The following DGKB variants were observed in gnomAD, a reference collection of about 807,000 sequenced individuals.
DGKB encodes diacylglycerol kinase beta.
Under a neutral mutation model 114.3 loss-of-function variants are expected in DGKB, and 67 were observed. That is an observed-to-expected ratio of 0.59 (90% CI 0.48 to 0.72). DGKB has a LOEUF of 0.72. DGKB is among the 30% of genes least tolerant of loss of function. The pLI is 0.00. For missense variants in DGKB, 907 were observed against 975.2 expected, an observed-to-expected ratio of 0.93 and a Z score of 0.93; for synonymous variants, 398 against 323.1, an observed-to-expected ratio of 1.23 and a Z score of -2.49.
chr7:14,954,555 G>A (rs547469299), intron 1 of DGKB, among the ~76,000 whole-genome samples: 2 of 151,916 alleles, frequency 1.3e-5, no homozygotes, highest in Non-Finnish European at 2.9e-5. Flanking sequence ...AAATTTGAAG[G>A]TTAGAAGATT....
chr7:14,366,184 G>C (rs774879555), intron 21 of DGKB, among the ~76,000 whole-genome samples: 1 of 152,070 alleles, frequency 6.6e-6, no homozygotes, highest in Non-Finnish European at 1.5e-5. Context: ...ATCAATACCA[G>C]AGTTTATCAT....
At chr7:14,425,420 C>T (rs1827353366) in intron 21 of DGKB, among the ~76,000 whole-genome samples, 1 of 152,004 alleles carries the variant, frequency 6.6e-6, no homozygotes, top group Admixed American at 6.6e-5. Flanking sequence ...CTGTACATAT[C>T]TAATTGAATT....
intron 5 of DGKB, among the ~76,000 whole-genome samples, chr7:14,731,291 T>C (rs907131377): frequency 6.6e-6 from 1 of 152,200 alleles, no homozygotes; most frequent in African/African-American, 2.4e-5. Flanking sequence ...GACAAAGTGT[T>C]CCATCTAAAA....
chr7:14,840,820 C>T (rs1377354378), intron 2 of DGKB, among the ~76,000 whole-genome samples: 1 of 151,632 alleles, frequency 6.6e-6, no homozygotes, highest in Non-Finnish European at 1.5e-5. Context: ...CTTTTTTCTC[C>T]TCTTTTTCCT....
chr7:14,329,190 A>C (rs1334519888), intron 23 of DGKB, among the ~76,000 whole-genome samples: 1 of 151,902 alleles, frequency 6.6e-6, no homozygotes. Flanking sequence ...GCTCAAATAC[A>C]AGTAGATGAT....
intron 2 of DGKB, among the ~76,000 whole-genome samples, chr7:14,769,276 A>AAGAAAGAAAG (rs1230676932): frequency 1.2e-4 from 9 of 74,300 alleles, no homozygotes; most frequent in African/African-American, 1.1e-3. Flanking sequence ...GAAAGAAAGA[A>AAGAAAGAAAG]AGAAAGATTT....
intron 20 of DGKB, among the ~76,000 whole-genome samples, chr7:14,516,453 G>C (rs1042256194): frequency 3.9e-5 from 6 of 152,158 alleles, no homozygotes; most frequent in Non-Finnish European, 8.8e-5. Flanking sequence ...TTGAAGATCT[G>C]ATCTGGAATA....
Position 14,303,646 on chromosome 7 carries a change from T to C in DGKB, c.2122+34869A>G, listed in dbSNP as rs531238605. 2.6e-3 allele frequency among the ~76,000 whole-genome samples: 390 copies of C among 152,252 alleles called. 2 individuals carry two copies. Among genetic ancestry groups the C allele is most frequent in the Admixed American group, 5.3e-3 (81 of 15,272 alleles). On this transcript the variant is annotated intron_variant, in intron 23 of 25. Coordinates refer to ENST00000402815, the MANE Select transcript of DGKB (RefSeq NM_001350709.2). ...AAGTTCAAATGCATCTAATGAATCATGGCAGTACTCTCTATCACCTTACAG... is the reference window on the plus strand; with the variant it reads ...AAGTTCAAATGCATCTAATGAATCACGGCAGTACTCTCTATCACCTTACAG...
intron 23 of DGKB, among the ~76,000 whole-genome samples, chr7:14,289,986 A>G (rs192853470): frequency 0.014 from 2,059 of 152,246 alleles, 48 homozygotes; most frequent in African/African-American, 0.047. Flanking sequence ...CTCAAGATGT[A>G]GGCAAAATCA....
chr7:14,579,189 G>A (rs928871050), intron 19 of DGKB, among the ~76,000 whole-genome samples: 1 of 152,098 alleles, frequency 6.6e-6, no homozygotes, highest in Non-Finnish European at 1.5e-5. Context: ...CAACGAAAAT[G>A]TAATCTCCAG....
intron 1 of DGKB, among the ~76,000 whole-genome samples, chr7:14,936,517 T>C (rs1785277937): frequency 6.6e-6 from 1 of 152,108 alleles, no homozygotes; most frequent in South Asian, 2.1e-4. Flanking sequence ...TCTTTACCAA[T>C]CCTTAAATGT....
At chr7:14,538,440 G>A (rs976659537) in intron 20 of DGKB, among the ~76,000 whole-genome samples, 9 of 152,018 alleles carry the variant, frequency 5.9e-5, no homozygotes, top group African/African-American at 1.7e-4. Flanking sequence ...ATGAGATATC[G>A]CCTTATTCCT....
intron 2 of DGKB, among the ~76,000 whole-genome samples, chr7:14,836,182 G>A (rs921232127): frequency 6.6e-6 from 1 of 152,088 alleles, no homozygotes; most frequent in African/African-American, 2.4e-5. Flanking sequence ...TTTCCACTAA[G>A]TCACACCACA....
intron 23 of DGKB, among the ~76,000 whole-genome samples, chr7:14,334,046 C>T (rs1424082585): frequency 6.6e-6 from 1 of 152,106 alleles, no homozygotes; most frequent in Non-Finnish European, 1.5e-5. Context: ...AGTTAATTAA[C>T]TGATACAATT....
intron 2 of DGKB, among the ~76,000 whole-genome samples, chr7:14,824,136 C>T (rs935925538): frequency 1.3e-5 from 2 of 151,976 alleles, no homozygotes; most frequent in Non-Finnish European, 2.9e-5. Flanking sequence ...ACAGGAAAGA[C>T]CCACCCCCCA....
At chr7:14,230,975 T>C (rs1791634732) in intron 23 of DGKB, among the ~76,000 whole-genome samples, 2 of 152,118 alleles carry the variant, frequency 1.3e-5, no homozygotes, top group South Asian at 4.1e-4. Flanking sequence ...TTGACTACTA[T>C]TATGCTGTGA....
At chr7:14,703,474 T>C (rs377229878) in intron 6 of DGKB, among the ~76,000 whole-genome samples, 15 of 152,172 alleles carry the variant, frequency 9.9e-5, no homozygotes, top group African/African-American at 3.4e-4. Flanking sequence ...ATGAAGAGCA[T>C]TAGAAAATGA....
rs765423046 is a variant in DGKB, at chr7:14,682,574, A to G, written c.1014T>C (p.His338=). The G allele has an allele frequency of 6.2e-7, 1 of 1,613,130 alleles. No homozygotes were observed. Among genetic ancestry groups the G allele is most frequent in the Non-Finnish European group, 8.5e-7 (1 of 1,179,248 alleles). ...TCACTGTGATCTGACACCAAACACA[A>G]TGCAGTCCTGTCAGGCCCTGGTAAC... The part of the protein sequence containing the change: ...VKCYQGLTGL[H]CVWCQITLHN... Residue 338 remains histidine, a synonymous_variant, in exon 12 of 26, where the codon CAT becomes CAC. Coordinates refer to ENST00000402815, the MANE Select transcript of DGKB (RefSeq NM_001350709.2).
At chr7:14,961,877 T>G (rs189200233) in intron 1 of DGKB, among the ~76,000 whole-genome samples, 2 of 152,234 alleles carry the variant, frequency 1.3e-5, no homozygotes, top group East Asian at 3.9e-4. Flanking sequence ...TCTCAGCCTC[T>G]GCTGCTCAGA....
Sources: allele counts gnomAD v4.1 joint callset (sites outside exome capture counted in the v4.1 genomes callset), GRCh38; gene constraint gnomAD v4.1.1; transcripts MANE v1.5; gene names NCBI Gene and HGNC (gene_info 2026-07-23, HGNC 2026-07-21).